CNTNAP2: variants seen among roughly 807,000 people sequenced by gnomAD.
CNTNAP2 encodes contactin associated protein 2, also known as contactin-associated protein-like 2.
Under a neutral mutation model 155.2 loss-of-function variants are expected in CNTNAP2, and 98 were observed. The observed-to-expected ratio is 0.63, with a 90% CI of 0.54 to 0.75. CNTNAP2 has a LOEUF of 0.75. Among genes scored for constraint, CNTNAP2 ranks in the 30% least tolerant of loss-of-function variants. The pLI, the probability that CNTNAP2 is intolerant of heterozygous loss-of-function variation, is 0.00. For missense variants in CNTNAP2, 1,727 were observed against 1,688.1 expected (o/e 1.02, Z -0.40); for synonymous variants, 651 against 631.2 (o/e 1.03, Z -0.47).
At chr7:146,342,230 T>C (rs1484899536) in intron 1 of CNTNAP2, among the ~76,000 whole-genome samples, 2 of 152,120 alleles carry the variant, frequency 1.3e-5, no homozygotes, top group Admixed American at 1.3e-4. Context: ...AAACCCTAGG[T>C]ACCAAATTGC....
At chr7:146,401,654 T>A (rs1440155454) in intron 1 of CNTNAP2, among the ~76,000 whole-genome samples, 1 of 152,202 alleles carries the variant, frequency 6.6e-6, no homozygotes, top group Non-Finnish European at 1.5e-5. Flanking sequence ...ATTTTGCTTA[T>A]CCTGGTGAAT....
intron 14 of CNTNAP2, among the ~76,000 whole-genome samples, chr7:147,956,576 G>A (rs188155979): frequency 1.3e-5 from 2 of 152,242 alleles, no homozygotes; most frequent in East Asian, 3.9e-4. Flanking sequence ...CCATATCGAA[G>A]CACATGCAGA....
intron 12 of CNTNAP2, among the ~76,000 whole-genome samples, chr7:147,596,222 T>C (rs2116852251): frequency 6.6e-6 from 1 of 152,288 alleles, no homozygotes; most frequent in Non-Finnish European, 1.5e-5. Context: ...CACACTCGTC[T>C]CTCTTTCTCT....
chr7:147,890,058 A>G (rs780789026), intron 13 of CNTNAP2, among the ~76,000 whole-genome samples: 1 of 152,208 alleles, frequency 6.6e-6, no homozygotes, highest in Non-Finnish European at 1.5e-5. Context: ...CTTAAAGCAA[A>G]ACATATAATT....
At chr7:148,164,199 A>G (rs1805605549) in intron 17 of CNTNAP2, among the ~76,000 whole-genome samples, 1 of 152,164 alleles carries the variant, frequency 6.6e-6, no homozygotes. Flanking sequence ...CGGCCTCCCA[A>G]AGTGCTGGGA....
At chr7:146,623,959 T>G (rs1443236042) in intron 1 of CNTNAP2, among the ~76,000 whole-genome samples, 1 of 151,990 alleles carries the variant, frequency 6.6e-6, no homozygotes, top group African/African-American at 2.4e-5. Context: ...TTCTAGTAGT[T>G]CCGTAGTGCC....
chr7:146,269,903 T>C (rs1303706465), intron 1 of CNTNAP2, among the ~76,000 whole-genome samples: 5 of 152,192 alleles, frequency 3.3e-5, no homozygotes, highest in South Asian at 4.1e-4. Flanking sequence ...AAGTCCATCA[T>C]TGCCTTTTTC....
At chr7:147,626,910 G>A (rs987131338) in intron 12 of CNTNAP2, among the ~76,000 whole-genome samples, 1 of 152,216 alleles carries the variant, frequency 6.6e-6, no homozygotes, top group Non-Finnish European at 1.5e-5. Context: ...CTCTCACAGA[G>A]TCTACCTCAC....
rs1209165708 is a variant in CNTNAP2 at position 146,170,410 on chromosome 7, G to T, written c.97+53437G>T. Among the ~76,000 whole-genome samples, 20 of 151,998 alleles carry T rather than the reference G, an allele frequency of 1.3e-4. 1 individual carries two copies. The highest frequency in any genetic ancestry group is 1.3e-3 in the Admixed American group (20 of 15,254). On this transcript the variant is annotated intron_variant, in intron 1 of 23. Transcript: ENST00000361727. ...TACATTCCAACCGAAGGGCACAAGG[G>T]TTCCCTTTTCTTCACATGCTTGCCA...
At chr7:147,090,860 T>C (rs1446679413) in intron 4 of CNTNAP2, among the ~76,000 whole-genome samples, 1 of 152,228 alleles carries the variant, frequency 6.6e-6, no homozygotes, top group Non-Finnish European at 1.5e-5. Flanking sequence ...CTGTGGATTT[T>C]ATGTTTTAAA....
chr7:146,713,765 G>A (rs1389309386), intron 1 of CNTNAP2, among the ~76,000 whole-genome samples: 1 of 152,050 alleles, frequency 6.6e-6, no homozygotes, highest in Non-Finnish European at 1.5e-5. Context: ...TTAGAACCCA[G>A]CCTCTAGAAG....
intron 12 of CNTNAP2, among the ~76,000 whole-genome samples, chr7:147,566,758 T>C (rs937727983): frequency 4.6e-5 from 7 of 152,136 alleles, no homozygotes; most frequent in Non-Finnish European, 7.3e-5. Flanking sequence ...CAATTCAAGA[T>C]GAGATTCGGA....
chr7:146,621,424 A>G (rs1164067348), intron 1 of CNTNAP2, among the ~76,000 whole-genome samples: 1 of 152,142 alleles, frequency 6.6e-6, no homozygotes, highest in Admixed American at 6.5e-5. Flanking sequence ...CCAGAATCCA[A>G]TCTAGCTCAC....
intron 1 of CNTNAP2, among the ~76,000 whole-genome samples, chr7:146,290,923 T>C (rs1800419104): frequency 1.3e-5 from 2 of 152,198 alleles, no homozygotes; most frequent in Non-Finnish European, 2.9e-5. Context: ...TGATATGTAT[T>C]GGATGACTTA....
intron 1 of CNTNAP2, among the ~76,000 whole-genome samples, chr7:146,503,946 G>C (rs1488905878): frequency 2.0e-5 from 3 of 152,192 alleles, no homozygotes; most frequent in African/African-American, 7.2e-5. Context: ...CCCTCCTATA[G>C]AGTCAGCTGT....
intron 4 of CNTNAP2, among the ~76,000 whole-genome samples, chr7:147,073,790 T>C (rs1426512981): frequency 6.6e-6 from 1 of 152,014 alleles, no homozygotes; most frequent in African/African-American, 2.4e-5. Context: ...AGGAAATTAG[T>C]AAAATTGAAG....
At chr7:146,599,622 T>A (rs1381913137) in intron 1 of CNTNAP2, among the ~76,000 whole-genome samples, 1 of 151,972 alleles carries the variant, frequency 6.6e-6, no homozygotes, top group Non-Finnish European at 1.5e-5. Flanking sequence ...TATATTATGC[T>A]TTAATGTATT....
chr7:146,479,577 C>T (rs1209624964), intron 1 of CNTNAP2, among the ~76,000 whole-genome samples: 1 of 151,892 alleles, frequency 6.6e-6, no homozygotes, highest in East Asian at 1.9e-4. Context: ...ACTCTATTCT[C>T]AGTGTCTAAA....
At chr7:146,688,125 G>A (rs1262568988) in intron 1 of CNTNAP2, among the ~76,000 whole-genome samples, 1 of 152,096 alleles carries the variant, frequency 6.6e-6, no homozygotes, top group Non-Finnish European at 1.5e-5. Context: ...GCATTAAATA[G>A]GCGTCTGTAG....
Sources: allele counts gnomAD v4.1 joint callset (sites outside exome capture counted in the v4.1 genomes callset), GRCh38; gene constraint gnomAD v4.1.1; transcripts MANE v1.5; gene names NCBI Gene and HGNC (gene_info 2026-07-23, HGNC 2026-07-21).